The following METTL15 variants were observed in gnomAD, a reference collection of about 807,000 sequenced individuals.
METTL15 encodes the protein 12S rRNA N(4)-cytidine methyltransferase METTL15.
In METTL15, 34 loss-of-function variants were observed where a neutral mutation model predicts 38.3. That is an observed-to-expected ratio of 0.89 (90% CI 0.68 to 1.18). METTL15 has a LOEUF of 1.18. Among genes scored for constraint, METTL15 ranks in the 50% most tolerant of loss-of-function variants. METTL15 has a pLI of 0.00. For synonymous variants in METTL15, 162 were observed against 170.9 expected, an observed-to-expected ratio of 0.95 and a Z score of 0.41; for missense variants, 438 against 498.4, an observed-to-expected ratio of 0.88 and a Z score of 1.15.
At chr11:28,152,403 G>A (rs1850121582) in intron 3 of METTL15, among the ~76,000 whole-genome samples, 2 of 151,834 alleles carry the variant, frequency 1.3e-5, no homozygotes, top group African/African-American at 4.8e-5. Context: ...TTTCTTTTTA[G>A]TCAATTTTGT....
chr11:28,350,338 A>AG, intron 3 of METTL15, among the ~76,000 whole-genome samples: 1 of 152,356 alleles, frequency 6.6e-6, no homozygotes, highest in East Asian at 1.9e-4. Context: ...AAAAAGAAGA[A>AG]CAAAGAGGGT....
In METTL15 at chr11:28,279,914, C is replaced by CA. The variant is rs57284585; in HGVS notation, c.408-10275dup. On this transcript the variant is annotated intron_variant, in intron 4 of 6. Coordinates refer to ENST00000407364, the MANE Select transcript of METTL15 (RefSeq NM_001113528.2). ...ACTCTGTCTCAAAAACAAAACAAAA[C>CA]AAAAAAAAAAAAAAAAAGGAAGGCT... Among the ~76,000 whole-genome samples the CA allele has an allele frequency of 9.2e-3, 754 of 81,612 alleles. 2 individuals carry two copies. Among genetic ancestry groups the CA allele is most frequent in the African/African-American group, 0.014 (289 of 20,782 alleles). 53.5% of individuals were successfully genotyped at this position (81,612 alleles called of 152,430 possible).
At chr11:28,376,417 T>C (rs923820863) in intron 5 of METTL15, among the ~76,000 whole-genome samples, 8 of 152,252 alleles carry the variant, frequency 5.3e-5, no homozygotes, top group African/African-American at 1.9e-4. Context: ...TACCATTATG[T>C]AATGGCCTTC....
At chr11:28,224,093 A>C (rs983903210) in intron 4 of METTL15, among the ~76,000 whole-genome samples, 1 of 152,062 alleles carries the variant, frequency 6.6e-6, no homozygotes, top group Admixed American at 6.6e-5. Flanking sequence ...GGGTAAATTT[A>C]TAATATGAAA....
At chr11:28,375,127 C>CT (rs1254950628) in intron 5 of METTL15, among the ~76,000 whole-genome samples, 1 of 148,454 alleles carries the variant, frequency 6.7e-6, no homozygotes, top group Admixed American at 6.8e-5. Context: ...CTAAAATTCT[C>CT]TTTTTTGGTT....
chr11:28,109,407 A>G (rs1851621631), intron 1 of METTL15, among the ~76,000 whole-genome samples: 1 of 152,168 alleles, frequency 6.6e-6, no homozygotes, highest in Non-Finnish European at 1.5e-5. Context: ...TTGACTTCCC[A>G]GGTATTTTAT....
At chr11:28,264,849 C>T (rs1315461515) in intron 4 of METTL15, among the ~76,000 whole-genome samples, 1 of 151,994 alleles carries the variant, frequency 6.6e-6, no homozygotes, top group Admixed American at 6.6e-5. Context: ...GCCATATGAT[C>T]AGAGATCTTT....
chr11:28,392,737 A>G (rs1414261147), intron 5 of METTL15, among the ~76,000 whole-genome samples: 1 of 152,102 alleles, frequency 6.6e-6, no homozygotes. Flanking sequence ...GGAAGAAAAT[A>G]TTTGCAAACC....
At chr11:28,210,506 A>G (rs1022736081) in intron 3 of METTL15, among the ~76,000 whole-genome samples, 2 of 151,454 alleles carry the variant, frequency 1.3e-5, no homozygotes, top group Non-Finnish European at 3.0e-5. Flanking sequence ...TTCTCAGTTC[A>G]TATTTGTTAT....
At position 28,258,644 on chromosome 11, in the gene METTL15, C is replaced by T. The variant is rs539501653; in HGVS notation, c.408-31562C>T. ...TTCCAAAGGCAGAGGAGCCTCACTC[C>T]ATGGCCACCACAACCATGGGCCCAT... On this transcript the variant is annotated intron_variant, in intron 4 of 6. Transcript: ENST00000407364. Among the ~76,000 whole-genome samples the T allele has an allele frequency of 1.6e-4, 25 of 152,308 alleles. No homozygotes were observed. In the South Asian group the frequency reaches 2.3e-3, roughly 14 times the overall value.
chr11:28,368,128 C>CAAAAAAAAAAAAAAAAAAAAAAAAAA (rs796151908), intron 5 of METTL15, among the ~76,000 whole-genome samples: 1 of 32,598 alleles, frequency 3.1e-5, no homozygotes, highest in African/African-American at 1.5e-4. Context: ...TTCTGCATAG[C>CAAAAAAAAAAAAAAAAAAAAAAAAAA]AAAAAAAAAA....
rs1046102805 is a variant in METTL15 at position 28,333,202 on chromosome 11, G to T, written c.*2361G>T. On this transcript the variant is annotated 3_prime_UTR_variant, in exon 7 of 7. Coordinates refer to ENST00000407364, the MANE Select transcript of METTL15 (RefSeq NM_001113528.2). ...TAATTTGTTACAGCAATCCTAGGAA[G>T]CTAATACTCTGACAGAAAAAAATCT... 6.6e-6 allele frequency: 1 copy of T among 151,864 alleles called. No individual in the cohort carries two copies. The highest frequency in any genetic ancestry group is 1.5e-5 in the Non-Finnish European group (1 of 67,998). The allele number at this position is 151,864 out of a possible 1,614,324, so 9.4% of individuals were successfully genotyped here. A position where few individuals can be genotyped will look rare whatever the true frequency, so the allele number is the denominator to read the frequency against.
At chr11:28,111,754 A>G (rs1176771850) in intron 2 of METTL15, among the ~76,000 whole-genome samples, 1 of 152,236 alleles carries the variant, frequency 6.6e-6, no homozygotes, top group African/African-American at 2.4e-5. Flanking sequence ...TGAATGAGGT[A>G]GCGCATGTAG....
chr11:28,529,721 C>A (rs935314731), downstream of METTL15, among the ~76,000 whole-genome samples: 1 of 151,992 alleles, frequency 6.6e-6, no homozygotes, highest in Non-Finnish European at 1.5e-5. Flanking sequence ...GGGGTTCTTT[C>A]ATTTCTCCAA....
intron 6 of METTL15, among the ~76,000 whole-genome samples, chr11:28,515,263 C>T (rs2133505030): frequency 6.6e-6 from 1 of 152,256 alleles, no homozygotes; most frequent in East Asian, 1.9e-4. Flanking sequence ...TTTAACTCTA[C>T]ATATTTAATC....
intron 3 of METTL15, among the ~76,000 whole-genome samples, chr11:28,340,268 T>G (rs929839630): frequency 3.9e-5 from 6 of 152,204 alleles, no homozygotes; most frequent in Non-Finnish European, 7.4e-5. Context: ...ACTCTCTAAT[T>G]TCAGTTAAAT....
chr11:28,282,693 A>G (rs2133975775), intron 4 of METTL15, among the ~76,000 whole-genome samples: 1 of 152,298 alleles, frequency 6.6e-6, no homozygotes, highest in Non-Finnish European at 1.5e-5. Flanking sequence ...TTGAAACAAG[A>G]CCACTCTTCC....
At chr11:28,124,367 C>T (rs148352796) in intron 3 of METTL15, among the ~76,000 whole-genome samples, 10 of 152,178 alleles carry the variant, frequency 6.6e-5, no homozygotes, top group African/African-American at 2.2e-4. Flanking sequence ...ATTTGGAGCA[C>T]GTTATGCTGT....
intron 3 of METTL15, among the ~76,000 whole-genome samples, chr11:28,126,165 T>G (rs1852476338): frequency 6.6e-6 from 1 of 152,142 alleles, no homozygotes; most frequent in Non-Finnish European, 1.5e-5. Flanking sequence ...GCTGACTCTC[T>G]CACTCTGGTT....
Sources: allele counts gnomAD v4.1 joint callset (sites outside exome capture counted in the v4.1 genomes callset), GRCh38; gene constraint gnomAD v4.1.1; transcripts MANE v1.5; gene names NCBI Gene and HGNC (gene_info 2026-07-23, HGNC 2026-07-21).